ZBTB16: variants seen among roughly 807,000 people sequenced by gnomAD.
ZBTB16 encodes zinc finger and BTB domain containing 16.
In ZBTB16, 8 loss-of-function variants were observed where a neutral mutation model predicts 56.8. The ratio of observed to expected loss-of-function variants is 0.14; its 90% CI spans 0.08 to 0.25. ZBTB16 has a LOEUF of 0.25. Among genes scored for constraint, ZBTB16 ranks in the 10% least tolerant of loss-of-function variants. The probability of loss-of-function intolerance (pLI) is 1.00; values close to 1 mark genes in which losing one functional copy is unlikely to be tolerated. For missense variants in ZBTB16, 625 were observed against 903.0 expected, an observed-to-expected ratio of 0.69 and a Z score of 3.95; for synonymous variants, 363 against 368.5, an observed-to-expected ratio of 0.98 and a Z score of 0.17.
rs1041224792 is a variant in ZBTB16 at position 114,254,061 on chromosome 11, T to C, written c.*3506T>C. ...TTCCCATGTCCAGCTCCTACAAATA[T>C]GTCCCTTAATGCATTTGGTGACATT... is the stretch of plus-strand genomic sequence containing the variant. On this transcript the variant is annotated 3_prime_UTR_variant, in exon 7 of 7. Coordinates refer to ENST00000335953, the MANE Select transcript of ZBTB16 (RefSeq NM_006006.6). 2.8e-5 allele frequency among the ~76,000 whole-genome samples: 4 copies of C among 144,208 alleles called. No homozygotes were observed. The highest frequency in any genetic ancestry group is 6.0e-5 in the Non-Finnish European group (4 of 66,508). The allele number at this position is 144,208 out of a possible 152,430, so 94.6% of individuals were successfully genotyped here. A position where few individuals can be genotyped will look rare whatever the true frequency, so the allele number is the denominator to read the frequency against.
chr11:114,139,590 G>A (rs930597976), intron 2 of ZBTB16, among the ~76,000 whole-genome samples: 14 of 151,716 alleles, frequency 9.2e-5, no homozygotes, highest in African/African-American at 2.4e-4. Flanking sequence ...AACAGATGGC[G>A]AGAGATGGCG....
rs373854559 is a variant in ZBTB16, at chr11:114,063,964, G to A, written c.664G>A (p.Ala222Thr). 2.5e-6 allele frequency: 4 copies of A among 1,613,758 alleles called. No individual in the cohort carries two copies. In the East Asian group the frequency reaches 8.9e-5, roughly 36 times the overall value. ...CCTGCAGGGAACTCTTCAGCCACCT[G>A]CAGGGCCCGAGGAGCCAACTCTGGC... ...SLLQGTLQPPAGPEEPTLAGG... is the reference protein window; with the variant it reads ...SLLQGTLQPPTGPEEPTLAGG... The change falls in exon 2 of 7, where the codon GCA (alanine) becomes ACA (threonine). Residue 222 changes from alanine to threonine, a missense_variant. Transcript: ENST00000335953. The surrounding 1 kb of genome is among the most constrained non-coding windows in gnomAD (Gnocchi z 6.5).
intron 4 of ZBTB16, among the ~76,000 whole-genome samples, chr11:114,233,079 G>GCACACACA (rs781149248): frequency 8.0e-4 from 43 of 53,770 alleles, no homozygotes; most frequent in African/African-American, 2.4e-3. Flanking sequence ...GCGCGCGCGC[G>GCACACACA]CGCACACACA....
At chr11:114,090,519 A>G (rs969789800) in intron 2 of ZBTB16, among the ~76,000 whole-genome samples, 17 of 152,198 alleles carry the variant, frequency 1.1e-4, no homozygotes, top group African/African-American at 3.9e-4. Flanking sequence ...CACCCCCATC[A>G]TAAACACGTG....
At chr11:114,109,144 C>G (rs12362570) in intron 2 of ZBTB16, among the ~76,000 whole-genome samples, 159 of 152,316 alleles carry the variant, frequency 1.0e-3, no homozygotes, top group Non-Finnish European at 1.8e-3. Context: ...CATGCCCCAT[C>G]CTCCAGATGT....
At chr11:114,069,149 G>A (rs1314789196) in intron 2 of ZBTB16, among the ~76,000 whole-genome samples, 3 of 152,032 alleles carry the variant, frequency 2.0e-5, no homozygotes, top group African/African-American at 7.2e-5. Context: ...GCAGTGGCGC[G>A]ATCTCAGCTC....
intron 2 of ZBTB16, among the ~76,000 whole-genome samples, chr11:114,115,298 G>A (rs1282927921): frequency 6.6e-6 from 1 of 150,808 alleles, no homozygotes; most frequent in Non-Finnish European, 1.5e-5. Context: ...GATCAAAGGT[G>A]AGACAGACTT....
In ZBTB16 at chr11:114,063,639, C is replaced by T; in HGVS notation, c.339C>T (p.Tyr113=). ...LYAAEILEIE[Y]LEEQCLKMLE... is the part of the protein sequence containing the mutation. ...CGGCCGAGATCCTGGAGATCGAGTA[C>T]CTGGAGGAACAGTGCCTGAAGATGC... Residue 113 remains tyrosine, a synonymous_variant, in exon 2 of 7, where the codon TAC becomes TAT. Transcript: ENST00000335953. This position sits in a 1 kb window ranked among gnomAD's most constrained non-coding sequence, Gnocchi z 6.5. 1 of 1,614,082 alleles carries T rather than the reference C, an allele frequency of 6.2e-7. No individual in the cohort carries two copies. Among genetic ancestry groups the T allele is most frequent in the Non-Finnish European group, 8.5e-7 (1 of 1,180,028 alleles).
intron 3 of ZBTB16, among the ~76,000 whole-genome samples, chr11:114,171,302 C>G (rs773909552): frequency 6.6e-6 from 1 of 152,264 alleles, no homozygotes; most frequent in Non-Finnish European, 1.5e-5. Context: ...GGGATCTTTT[C>G]TAGCCCATAG....
chr11:114,109,550 A>G (rs1940928611), intron 2 of ZBTB16, among the ~76,000 whole-genome samples: 1 of 152,188 alleles, frequency 6.6e-6, no homozygotes, highest in Non-Finnish European at 1.5e-5. Context: ...TGCCCCGATC[A>G]GGAATGTGTT....
chr11:114,199,475 C>T (rs1311163718), intron 4 of ZBTB16, among the ~76,000 whole-genome samples: 1 of 152,244 alleles, frequency 6.6e-6, no homozygotes, highest in Admixed American at 6.5e-5. Flanking sequence ...AGGACACAGA[C>T]CTTGCCCTTC....
rs1220184101 is a variant in ZBTB16 at position 114,250,692 on chromosome 11, G to C, written c.*137G>C. ...GAAAAGGAAACCTGGTAGCTTTTTGGCCTTGGATTCTCTCTGGGCTCCAGA... is the reference window on the plus strand; with the variant it reads ...GAAAAGGAAACCTGGTAGCTTTTTGCCCTTGGATTCTCTCTGGGCTCCAGA... On this transcript the variant is annotated 3_prime_UTR_variant, in exon 7 of 7. Transcript: ENST00000335953. The surrounding 1 kb of genome is among the most constrained non-coding windows in gnomAD (Gnocchi z 6.0). 9.9e-7 allele frequency: 1 copy of C among 1,012,522 alleles called. No individual in the cohort carries two copies. The highest frequency in any genetic ancestry group is 1.6e-5 in the African/African-American group (1 of 61,320). The allele number at this position is 1,012,522 out of a possible 1,614,324, so 62.7% of individuals were successfully genotyped here. A position where few individuals can be genotyped will look rare whatever the true frequency, so the allele number is the denominator to read the frequency against.
At chr11:114,114,193 C>T (rs1036597518) in intron 2 of ZBTB16, among the ~76,000 whole-genome samples, 18 of 152,300 alleles carry the variant, frequency 1.2e-4, no homozygotes, top group African/African-American at 4.3e-4. Context: ...CCTGAGACTT[C>T]GTCCATGTCG....
intron 3 of ZBTB16, chr11:114,180,807 A>T (rs985598029): frequency 6.6e-6 from 1 of 152,232 alleles, no homozygotes; most frequent in African/African-American, 2.4e-5. Context: ...GGTATCAGGG[A>T]TATGGTAAAG....
chr11:114,143,943 A>G lies in ZBTB16; in HGVS notation c.1269-12394A>G, dbSNP rs1199592072. 6.6e-6 allele frequency among the ~76,000 whole-genome samples: 1 copy of G among 152,074 alleles called. No homozygotes were observed. ...GGGCCTCGAGTCACTGGTATTATGCATTTCCTGTGTGCTCGGGAGCCTTGC... is the reference window on the plus strand; with the variant it reads ...GGGCCTCGAGTCACTGGTATTATGCGTTTCCTGTGTGCTCGGGAGCCTTGC... On this transcript the variant is annotated intron_variant, in intron 2 of 6. Transcript: ENST00000335953. This position sits in a 1 kb window ranked among gnomAD's most constrained non-coding sequence, Gnocchi z 6.4.
chr11:114,140,286 C>T (rs979912651), intron 2 of ZBTB16, among the ~76,000 whole-genome samples: 18 of 152,200 alleles, frequency 1.2e-4, no homozygotes, highest in African/African-American at 4.1e-4. Flanking sequence ...TTTTGATTCC[C>T]ACTCAGGCTG....
At chr11:114,164,176 AT>A (rs953967749) in intron 3 of ZBTB16, among the ~76,000 whole-genome samples, 1 of 152,026 alleles carries the variant, frequency 6.6e-6, no homozygotes, top group African/African-American at 2.4e-5. Context: ...TGGATTTGTC[AT>A]TTTTCCCCCC....
intron 4 of ZBTB16, among the ~76,000 whole-genome samples, chr11:114,193,904 A>G (rs1943552721): frequency 6.6e-6 from 1 of 152,224 alleles, no homozygotes; most frequent in Admixed American, 6.5e-5. Context: ...ATGGAGGCCT[A>G]GACACTACCC....
chr11:114,114,802 C>T (rs1215055531), intron 2 of ZBTB16, among the ~76,000 whole-genome samples: 2 of 151,916 alleles, frequency 1.3e-5, no homozygotes, highest in Admixed American at 6.5e-5. Context: ...ATGTCAGCCT[C>T]CCGAGTAGCT....
Sources: allele counts gnomAD v4.1 joint callset (sites outside exome capture counted in the v4.1 genomes callset), GRCh38; gene constraint gnomAD v4.1.1; non-coding constraint Gnocchi (gnomAD v3.1); transcripts MANE v1.5; gene names NCBI Gene and HGNC (gene_info 2026-07-23, HGNC 2026-07-21).